EP300: variants seen among roughly 807,000 people sequenced by gnomAD.
The protein encoded by EP300 is EP300 lysine acetyltransferase, also known as histone acetyltransferase p300.
Under a neutral mutation model 264.0 loss-of-function variants are expected in EP300, and 31 were observed. The observed-to-expected ratio is 0.12, with a 90% CI of 0.09 to 0.16. EP300 has a LOEUF of 0.16. Among genes scored for constraint, EP300 ranks in the 10% least tolerant of loss-of-function variants. The probability of loss-of-function intolerance (pLI) is 1.00; values close to 1 mark genes in which losing one functional copy is unlikely to be tolerated. For missense variants in EP300, 2,766 were observed against 3,052.9 expected, an observed-to-expected ratio of 0.91 and a Z score of 2.21; for synonymous variants, 1,340 against 1,045.4, an observed-to-expected ratio of 1.28 and a Z score of -5.44.
chr22:41,114,949 A>T (rs1241754189), intron 1 of EP300, among the ~76,000 whole-genome samples: 1 of 152,072 alleles, frequency 6.6e-6, no homozygotes, highest in East Asian at 1.9e-4. Context: ...TCCATTTTTT[A>T]AGAGGATAAT....
intron 10 of EP300, among the ~76,000 whole-genome samples, chr22:41,146,125 T>G (rs1028010772): frequency 1.3e-5 from 2 of 152,000 alleles, no homozygotes; most frequent in Non-Finnish European, 2.9e-5. Context: ...AGACTCAGAC[T>G]TTGTTAAACA....
chr22:41,170,784 C>T (rs1467734047), intron 27 of EP300, among the ~76,000 whole-genome samples: 2 of 151,470 alleles, frequency 1.3e-5, no homozygotes, highest in Non-Finnish European at 2.9e-5. Context: ...GCCTCAGCCT[C>T]CTGAGTAGCT....
Position 41,168,826 on chromosome 22 carries a change from T to C in EP300, c.4131T>C (p.His1377=), listed in dbSNP as rs776773800. Reference sequence around the variant, plus strand: ...TTGACCTGTGCTTCTTTGGCATGCATGTTCAAGAGTATGGCTCTGACTGCC... The same window carrying C: ...TTGACCTGTGCTTCTTTGGCATGCACGTTCAAGAGTATGGCTCTGACTGCC... ...DGVDLCFFGM[H]VQEYGSDCPP... The change falls in exon 25 of 31, where the codon CAT becomes CAC. Residue 1377 remains histidine (H), a synonymous_variant. Transcript: ENST00000263253. 10 of 1,614,100 alleles carry C rather than the reference T, an allele frequency of 6.2e-6. No homozygotes were observed. The African/African-American group carries it at 1.3e-4, about 22-fold the overall frequency.
chr22:41,175,055 C>T (rs140603074), intron 29 of EP300, among the ~76,000 whole-genome samples: 4 of 151,844 alleles, frequency 2.6e-5, no homozygotes, highest in East Asian at 1.9e-4. Context: ...AGTTCTAATA[C>T]GTTAGGTAAT....
Position 41,162,714 on chromosome 22 carries a change from T to G in EP300, c.3672-9T>G. The stretch of plus-strand genomic sequence containing the variant: ...ACTTTTTCTCATTGTGTCCCTTTTC[T>G]CTCCTTAGTACAATAAATAAAGAAC... On this transcript the variant is annotated splice_polypyrimidine_tract_variant and intron_variant, in intron 20 of 30. Coordinates refer to ENST00000263253, the MANE Select transcript of EP300 (RefSeq NM_001429.4). 1 of 1,607,530 alleles carries G rather than the reference T, an allele frequency of 6.2e-7. No homozygotes were observed. The highest frequency in any genetic ancestry group is 8.5e-7 in the Non-Finnish European group (1 of 1,174,134).
Position 41,131,601 on chromosome 22 carries a change from C to T in EP300, c.1496C>T (p.Ser499Phe), listed in dbSNP as rs777025732. ...CAGCAGAATCAGCAGCCTGGGCAGT[C>T]TCCCCAAGGCATGCGGCCCATGAGC... ...KNQQNQQPGQSPQGMRPMSNM... is the reference protein window; with the variant it reads ...KNQQNQQPGQFPQGMRPMSNM... Residue 499 changes from serine to phenylalanine, a missense_variant, in exon 6 of 31, where the codon TCT becomes TTT. Physicochemically the swap from Ser to Phe is radical, Grantham distance 155. Coordinates refer to ENST00000263253, the MANE Select transcript of EP300 (RefSeq NM_001429.4). 1.2e-6 allele frequency: 2 copies of T among 1,614,134 alleles called. No homozygotes were observed. The highest frequency in any genetic ancestry group is 1.1e-5 in the South Asian group (1 of 91,076).
rs1601642534 is a variant in EP300, at chr22:41,178,809, C to T, written c.7098C>T (p.Ser2366=). The change falls in exon 31 of 31, where the codon AGC becomes AGT. Residue 2366 remains serine (S), a synonymous_variant. Transcript: ENST00000263253. ...CCATGGAACAAGGGCATTTTGCCAGCCCGGACCAGAATTCAATGCTTTCTC... is the reference window on the plus strand; with the variant it reads ...CCATGGAACAAGGGCATTTTGCCAGTCCGGACCAGAATTCAATGCTTTCTC... ...ANPMEQGHFA[S]PDQNSMLSQL... is the part of the protein sequence containing the mutation. 1.9e-6 allele frequency: 3 copies of T among 1,614,172 alleles called. No individual in the cohort carries two copies. Among genetic ancestry groups the T allele is most frequent in the South Asian group, 1.1e-5 (1 of 91,082 alleles).
At chr22:41,108,248 T>TC (rs201825802) in intron 1 of EP300, 2 of 126,988 alleles carry the variant, frequency 1.6e-5, no homozygotes, top group South Asian at 2.3e-4. Context: ...CTTTTTCTTT[T>TC]TTTTTTTTTT....
rs1459239125 is a variant in EP300 at position 41,117,722 on chromosome 22, A to G, written c.630A>G (p.Pro210=). The change falls in exon 2 of 31, where the codon CCA becomes CCG. Residue 210 remains proline, a synonymous_variant. Coordinates refer to ENST00000263253, the MANE Select transcript of EP300 (RefSeq NM_001429.4). ...GACAGAATATGCAGTACCCAAACCC[A>G]GGCATGGGAAGTGCTGGCAACTTAC... The part of the protein sequence containing the change: ...RGRQNMQYPN[P]GMGSAGNLLT... 7 of 1,614,110 alleles carry G rather than the reference A, an allele frequency of 4.3e-6. No homozygotes were observed. Among genetic ancestry groups the G allele is most frequent in the Non-Finnish European group, 5.9e-6 (7 of 1,180,044 alleles).
At chr22:41,168,408 T>A (rs2059152272) in intron 23 of EP300, 41 bp from the exon 24 acceptor site, 1 of 1,612,252 alleles carries the variant, frequency 6.2e-7, no homozygotes, top group East Asian at 2.2e-5. Flanking sequence ...CTAACAACAG[T>A]AAATTTGCAC....
rs911673005 is a variant in EP300 at position 41,097,884 on chromosome 22, C to T, written c.94+4786C>T. ...TAATTTTTTGTATTTTTAGTAGAGA[C>T]GGGGTTTCACCATGTTGGCCATGAT... On this transcript the variant is annotated intron_variant, in intron 1 of 30. Transcript: ENST00000263253. 4.0e-5 allele frequency among the ~76,000 whole-genome samples: 6 copies of T among 151,738 alleles called. No homozygotes were observed. In the East Asian group the frequency reaches 9.7e-4, roughly 24 times the overall value.
chr22:41,115,610 T>C (rs961350051), intron 1 of EP300, among the ~76,000 whole-genome samples: 1 of 152,234 alleles, frequency 6.6e-6, no homozygotes, highest in Admixed American at 6.5e-5. Flanking sequence ...CTTTATTGTT[T>C]GTAGAGACAG....
At chr22:41,121,750 T>C (rs1263913468) in intron 2 of EP300, among the ~76,000 whole-genome samples, 1 of 152,178 alleles carries the variant, frequency 6.6e-6, no homozygotes, top group Non-Finnish European at 1.5e-5. Flanking sequence ...GATAAAGACA[T>C]TACATTTATT....
chr22:41,122,029 G>A (rs2058854842), intron 2 of EP300, among the ~76,000 whole-genome samples: 1 of 151,976 alleles, frequency 6.6e-6, no homozygotes, highest in Non-Finnish European at 1.5e-5. Flanking sequence ...AGCAGCACTT[G>A]CAGTCAGATT....
intron 20 of EP300, among the ~76,000 whole-genome samples, chr22:41,161,444 T>C (rs1032116895): frequency 3.0e-4 from 45 of 152,178 alleles, no homozygotes; most frequent in Middle Eastern, 3.4e-3. Flanking sequence ...GGTGAAGCCC[T>C]GTCTCTACTA....
chr22:41,101,483 C>T (rs1885506122), intron 1 of EP300, among the ~76,000 whole-genome samples: 1 of 150,634 alleles, frequency 6.6e-6, no homozygotes, highest in Admixed American at 6.6e-5. Context: ...ACGATCTCGG[C>T]TCACTGCCAG....
At position 41,179,279 on chromosome 22, in the gene EP300, G is replaced by C. The variant is rs2059225093; in HGVS notation, c.*323G>C. On this transcript the variant is annotated 3_prime_UTR_variant, in exon 31 of 31. Coordinates refer to ENST00000263253, the MANE Select transcript of EP300 (RefSeq NM_001429.4). The stretch of plus-strand genomic sequence containing the variant: ...ATGCTCCTGCCTTGCACCTCCAATA[G>C]GTTTTATTATTTTTTTTAAATTAAT... The C allele has an allele frequency of 3.2e-6, 1 of 311,388 alleles. No homozygotes were observed. The highest frequency in any genetic ancestry group is 4.9e-5 in the East Asian group (1 of 20,510). 19.3% of individuals were successfully genotyped at this position (311,388 alleles called of 1,614,324 possible).
chr22:41,134,484 T>C (rs2058938940), intron 6 of EP300, among the ~76,000 whole-genome samples: 1 of 152,036 alleles, frequency 6.6e-6, no homozygotes, highest in Non-Finnish European at 1.5e-5. Context: ...ATCCTCTGCC[T>C]CCTGGGCTCA....
At chr22:41,097,479 AT>A (rs1476746231) in intron 1 of EP300, among the ~76,000 whole-genome samples, 1 of 152,208 alleles carries the variant, frequency 6.6e-6, no homozygotes, top group Non-Finnish European at 1.5e-5. Flanking sequence ...ACAGTTGAAA[AT>A]TAATGCAAAG....
Sources: gnomAD v4.1 joint callset for allele counts (sites outside exome capture counted in the v4.1 genomes callset) on GRCh38, gnomAD v4.1.1 for gene constraint, MANE v1.5 for transcripts, NCBI Gene and HGNC (gene_info 2026-07-23, HGNC 2026-07-21) for gene names.